Variants in DEPDC5 observed in about 807,000 individuals in gnomAD.
DEPDC5 encodes the protein DEP domain containing 5, GATOR1 subcomplex subunit.
In DEPDC5, 73 loss-of-function variants were observed where a neutral mutation model predicts 217.3. The ratio of observed to expected loss-of-function variants is 0.34; its 90% CI spans 0.28 to 0.41. The LOEUF is 0.41. DEPDC5 is among the 10% of genes least tolerant of loss of function. The pLI is 1.00. For synonymous variants in DEPDC5, 733 were observed against 756.7 expected, an observed-to-expected ratio of 0.97 and a Z score of 0.51; for missense variants, 1,675 against 2,070.1, an observed-to-expected ratio of 0.81 and a Z score of 3.70.
At chr22:31,869,085 A>C (rs372554921) in intron 33 of DEPDC5, among the ~76,000 whole-genome samples, 11 of 152,110 alleles carry the variant, frequency 7.2e-5, no homozygotes, top group East Asian at 3.9e-4. Flanking sequence ...TCTACACACA[A>C]AAAAAAGTCA....
At chr22:31,900,756 G>T (rs1437091305) in intron 40 of DEPDC5, among the ~76,000 whole-genome samples, 1 of 151,668 alleles carries the variant, frequency 6.6e-6, no homozygotes, top group Non-Finnish European at 1.5e-5. Flanking sequence ...AAAAAAAAAA[G>T]TGGGGGTAGT....
intron 26 of DEPDC5, chr22:31,837,377 G>C: frequency 3.5e-6 from 2 of 569,456 alleles, no homozygotes; most frequent in South Asian, 2.5e-5. Context: ...CTGAGAGAGG[G>C]TCTCACTCTG....
Position 31,765,053 on chromosome 22 carries a change from A to G in DEPDC5, c.272A>G (p.Asp91Gly). The change falls in exon 5 of 43, where the codon GAC becomes GGC. Residue 91 changes from aspartate (D) to glycine (G), a missense_variant. Physicochemically the swap from Asp to Gly is moderately conservative, Grantham distance 94. Around this residue, in one of 11 missense-constraint regions of DEPDC5, gnomAD observed 628 missense variants for 762.1 expected, o/e 0.82. Transcript: ENST00000651528. ...PYQDVYVNVV[D>G]PKDVTLDLVE... ...CAGGATGTCTATGTTAATGTCGTAGACCCTAAGGTATGTCTTTGTTTTGTA... is the reference window on the plus strand; with the variant it reads ...CAGGATGTCTATGTTAATGTCGTAGGCCCTAAGGTATGTCTTTGTTTTGTA... The G allele has an allele frequency of 6.2e-7, 1 of 1,613,032 alleles. No homozygotes were observed. The highest frequency in any genetic ancestry group is 8.5e-7 in the Non-Finnish European group (1 of 1,179,240).
intron 8 of DEPDC5, among the ~76,000 whole-genome samples, chr22:31,780,391 G>C (rs2084306942): frequency 6.6e-6 from 1 of 152,142 alleles, no homozygotes. Context: ...AGATTAGGAA[G>C]CTCTGTTTGG....
intron 33 of DEPDC5, among the ~76,000 whole-genome samples, chr22:31,866,588 G>C (rs1602553894): frequency 6.6e-6 from 1 of 152,182 alleles, no homozygotes; most frequent in Admixed American, 6.5e-5. Flanking sequence ...GTTTCACCAT[G>C]TTGGCCAGGA....
rs2091665681 is a variant in DEPDC5 at position 31,845,340 on chromosome 22, C to G, written c.3021+103C>G. On this transcript the variant is annotated intron_variant, in intron 30 of 42. Coordinates refer to ENST00000651528, the MANE Select transcript of DEPDC5 (RefSeq NM_001242896.3). ...ATCATCAGCCTACTTATTTACTCCT[C>G]AGCTGCCCAGTGTTTACCTTAAATC... is the stretch of plus-strand genomic sequence containing the variant. 2.9e-6 allele frequency: 4 copies of G among 1,396,498 alleles called. No homozygotes were observed. In the South Asian group the frequency reaches 5.1e-5, roughly 18 times the overall value. 86.5% of individuals were successfully genotyped at this position (1,396,498 alleles called of 1,614,324 possible).
Position 31,905,983 on chromosome 22 carries a change from G to A in DEPDC5, c.4437-1G>A. On this transcript the variant is annotated splice_acceptor_variant, in intron 41 of 42. Transcript: ENST00000651528. LOFTEE classifies it high-confidence loss of function. The stretch of plus-strand genomic sequence containing the variant: ...TAGCATGTCTTCCTGTCCTTCCCTA[G>A]GTTTGGGTTTGTACAAGATAAATAT... The A allele has an allele frequency of 6.2e-7, 1 of 1,613,948 alleles. No homozygotes were observed.
At chr22:31,883,408 T>G (rs898984969) in intron 38 of DEPDC5, among the ~76,000 whole-genome samples, 2 of 152,124 alleles carry the variant, frequency 1.3e-5, no homozygotes, top group African/African-American at 2.4e-5. Context: ...TGTCCTCCAC[T>G]CTGCTCTGCT....
chr22:31,873,546 C>G (rs1416688265), intron 35 of DEPDC5, among the ~76,000 whole-genome samples: 1 of 151,614 alleles, frequency 6.6e-6, no homozygotes, highest in Non-Finnish European at 1.5e-5. Flanking sequence ...GAGTCTCACT[C>G]TGTCACCCAG....
rs116875753 is a variant in DEPDC5, at chr22:31,834,940, A to G, written c.2170+960A>G. The stretch of plus-strand genomic sequence containing the variant: ...ATCTTGGTTTGAGTAGTCATTTCTT[A>G]TTCATGACCATTTGGATGGCTTTCT... On this transcript the variant is annotated intron_variant, in intron 25 of 42. Coordinates refer to ENST00000651528, the MANE Select transcript of DEPDC5 (RefSeq NM_001242896.3). 2.4e-3 allele frequency among the ~76,000 whole-genome samples: 362 copies of G among 152,274 alleles called. 11 individuals are homozygous for G. In the East Asian group the frequency reaches 0.053, roughly 22 times the overall value.
chr22:31,779,098 C>T (rs2084169787), intron 8 of DEPDC5, among the ~76,000 whole-genome samples: 1 of 152,134 alleles, frequency 6.6e-6, no homozygotes, highest in African/African-American at 2.4e-5. Context: ...TATCACCTAC[C>T]ACCCTTCACC....
chr22:31,763,400 C>T (rs989878519), intron 4 of DEPDC5, among the ~76,000 whole-genome samples: 4 of 151,554 alleles, frequency 2.6e-5, no homozygotes, highest in Admixed American at 2.0e-4. Flanking sequence ...CCTGGGATTA[C>T]AGGCGTGAGC....
At chr22:31,856,026 C>T (rs1188090982) in intron 31 of DEPDC5, among the ~76,000 whole-genome samples, 1 of 151,874 alleles carries the variant, frequency 6.6e-6, no homozygotes, top group Non-Finnish European at 1.5e-5. Flanking sequence ...GGGCACAACA[C>T]CTGTGGGAGA....
chr22:31,845,012 C>T lies in DEPDC5; in HGVS notation c.2802-6C>T. ...CCACCACCCTGTGTTTTCCTTGCCC[C>T]CTTAGCTTAATTGAGTCCCTGAAGT... On this transcript the variant is annotated splice_polypyrimidine_tract_variant and splice_region_variant and intron_variant, in intron 29 of 42. Transcript: ENST00000651528. The T allele has an allele frequency of 1.2e-6, 2 of 1,614,098 alleles. No individual in the cohort carries two copies. Among genetic ancestry groups the T allele is most frequent in the Non-Finnish European group, 1.7e-6 (2 of 1,180,004 alleles).
chr22:31,891,552 A>G (rs2093438062), intron 38 of DEPDC5: 1 of 167,304 alleles, frequency 6.0e-6, no homozygotes, highest in Admixed American at 6.5e-5. Context: ...CCTGCCTTAC[A>G]ACAGAAGCTC....
chr22:31,868,538 C>T (rs1053404028), intron 33 of DEPDC5, among the ~76,000 whole-genome samples: 4 of 152,180 alleles, frequency 2.6e-5, no homozygotes, highest in East Asian at 1.9e-4. Flanking sequence ...GCAGTCTTCT[C>T]ACTTCACTCT....
chr22:31,867,531 C>G (rs115523027), intron 33 of DEPDC5, among the ~76,000 whole-genome samples: 1 of 152,210 alleles, frequency 6.6e-6, no homozygotes, highest in African/African-American at 2.4e-5. Context: ...TTGTGTGATA[C>G]ATAGATAGAG....
At chr22:31,844,267 G>C (rs1252911840) in intron 29 of DEPDC5, among the ~76,000 whole-genome samples, 1 of 152,012 alleles carries the variant, frequency 6.6e-6, no homozygotes, top group African/African-American at 2.4e-5. Flanking sequence ...ACTGGGCATG[G>C]TGACATACCC....
chr22:31,776,040 C>CA (rs753480175), intron 7 of DEPDC5, among the ~76,000 whole-genome samples: 1,021 of 46,568 alleles, frequency 0.022, 18 homozygotes, highest in African/African-American at 0.059. Flanking sequence ...GACTACATCT[C>CA]AAAAAAAAAA....
Sources: gnomAD v4.1 joint callset for allele counts (sites outside exome capture counted in the v4.1 genomes callset) on GRCh38, gnomAD v4.1.1 for gene constraint, gnomAD v4.1.1 regional missense constraint, MANE v1.5 for transcripts, NCBI Gene and HGNC (gene_info 2026-07-23, HGNC 2026-07-21) for gene names.